The following SLIT2 variants were observed in gnomAD, a reference collection of about 807,000 sequenced individuals.
SLIT2 encodes the protein slit homolog 2 protein.
In SLIT2, 41 loss-of-function variants were observed where a neutral mutation model predicts 185.7. The observed-to-expected ratio is 0.22, with a 90% CI of 0.17 to 0.29. SLIT2 has a LOEUF of 0.29. Among genes scored for constraint, SLIT2 ranks in the 10% least tolerant of loss-of-function variants. The pLI is 1.00. For missense variants in SLIT2, 1,571 were observed against 1,909.0 expected (o/e 0.82, Z 3.30); for synonymous variants, 693 against 680.2 (o/e 1.02, Z -0.29).
intron 11 of SLIT2, among the ~76,000 whole-genome samples, chr4:20,513,723 G>A (rs948801432): frequency 1.3e-5 from 2 of 151,628 alleles, no homozygotes; most frequent in Admixed American, 6.6e-5. Context: ...CAAGGGATAA[G>A]GATAGCTGTG....
intron 4 of SLIT2, among the ~76,000 whole-genome samples, chr4:20,391,625 G>T (rs775626589): frequency 3.3e-5 from 5 of 152,066 alleles, no homozygotes; most frequent in Non-Finnish European, 7.4e-5. Context: ...GTTTTAGCAC[G>T]ATTTCTGATT....
chr4:20,547,044 C>T (rs1283966654), intron 22 of SLIT2, among the ~76,000 whole-genome samples: 1 of 151,990 alleles, frequency 6.6e-6, no homozygotes. Context: ...ATATTACATG[C>T]CCCAATGTAA....
intron 26 of SLIT2, among the ~76,000 whole-genome samples, chr4:20,554,747 G>C (rs1724093594): frequency 6.6e-6 from 1 of 150,822 alleles, no homozygotes; most frequent in Non-Finnish European, 1.5e-5. Flanking sequence ...TGGGGTTTTG[G>C]GGGGGCTTTT....
intron 4 of SLIT2, among the ~76,000 whole-genome samples, chr4:20,350,102 G>A (rs1256110386): frequency 6.6e-6 from 1 of 152,120 alleles, no homozygotes; most frequent in African/African-American, 2.4e-5. Context: ...CTAAGAGGTA[G>A]GCATCATGTA....
chr4:20,257,166 G>A (rs1394484934), intron 2 of SLIT2, among the ~76,000 whole-genome samples: 1 of 151,984 alleles, frequency 6.6e-6, no homozygotes, highest in Non-Finnish European at 1.5e-5. Context: ...CTAATATCAA[G>A]CATTAAAATC....
chr4:20,536,579 ACAAAAAC>A (rs1358799189), intron 18 of SLIT2, among the ~76,000 whole-genome samples: 11 of 139,698 alleles, frequency 7.9e-5, no homozygotes, highest in African/African-American at 2.9e-4. Flanking sequence ...AAAAAAAAAA[ACAAAAAC>A]CACTGTACAA....
At chr4:20,587,541 C>G (rs1727161304) in intron 29 of SLIT2, among the ~76,000 whole-genome samples, 1 of 152,176 alleles carries the variant, frequency 6.6e-6, no homozygotes, top group Non-Finnish European at 1.5e-5. Flanking sequence ...ATCTGGTTAG[C>G]TAACAGTTTC....
chr4:20,491,787 T>C lies in SLIT2; in HGVS notation c.802T>C (p.Cys268Arg), dbSNP rs1398870419. ...TCACCAGTCATTTATGGCTCCTTCTTGTAGTGTTTTGCACTGCCCTGCCGC... is the reference window on the plus strand; with the variant it reads ...TCACCAGTCATTTATGGCTCCTTCTCGTAGTGTTTTGCACTGCCCTGCCGC... ...SGHQSFMAPS[C>R]SVLHCPAACT... The change falls in exon 9 of 37, where the codon TGT becomes CGT. Residue 268 changes from cysteine (C) to arginine (R), a missense_variant. Cys to Arg is a radical substitution (Grantham distance 180, BLOSUM62 -3). Around this residue, in one of 3 missense-constraint regions of SLIT2, gnomAD observed 1,202 missense variants for 1,416.4 expected, o/e 0.85. Transcript: ENST00000504154. 1 of 1,613,522 alleles carries C rather than the reference T, an allele frequency of 6.2e-7. No homozygotes were observed. Among genetic ancestry groups the C allele is most frequent in the Non-Finnish European group, 8.5e-7 (1 of 1,179,628 alleles).
intron 4 of SLIT2, among the ~76,000 whole-genome samples, chr4:20,307,148 C>CTCCT (rs1717634295): frequency 5.6e-5 from 1 of 17,740 alleles, no homozygotes; most frequent in Non-Finnish European, 1.1e-4. Flanking sequence ...CCCTCCCTCC[C>CTCCT]TCCCTCCCTC....
At position 20,601,618 on chromosome 4, in the gene SLIT2, C is replaced by CT. The variant is rs202163743; in HGVS notation, c.3692+3229dup. On this transcript the variant is annotated intron_variant, in intron 33 of 36. Coordinates refer to ENST00000504154, the MANE Select transcript of SLIT2 (RefSeq NM_004787.4). ...GCTCTGATACGGCTAATTTTTTGGC[C>CT]TTTTTTCAAATGCCAGAAAATGCCA... Among the ~76,000 whole-genome samples the CT allele has an allele frequency of 6.5e-3, 984 of 152,088 alleles. 16 individuals carry two copies. The highest frequency in any genetic ancestry group is 0.023 in the African/African-American group (938 of 41,492).
intron 12 of SLIT2, 54 bp downstream of exon 12, chr4:20,519,507 TTTG>T: frequency 9.5e-7 from 1 of 1,057,014 alleles, no homozygotes; most frequent in Non-Finnish European, 1.4e-6. Context: ...TATTAGCCAT[TTTG>T]TTGTCTCATA....
intron 4 of SLIT2, among the ~76,000 whole-genome samples, chr4:20,278,996 T>C (rs1047278314): frequency 6.6e-6 from 1 of 152,184 alleles, no homozygotes; most frequent in African/African-American, 2.4e-5. Context: ...AAGTCAGTGT[T>C]AAAATTTCAT....
chr4:20,573,180 T>C, intron 29 of SLIT2: 1 of 702,892 alleles, frequency 1.4e-6, no homozygotes, highest in Non-Finnish European at 2.6e-6. Context: ...TGTGCTCTGC[T>C]GTTGTATTGC....
At chr4:20,260,548 C>T (rs1377370699) in intron 3 of SLIT2, among the ~76,000 whole-genome samples, 1 of 151,574 alleles carries the variant, frequency 6.6e-6, no homozygotes, top group Admixed American at 6.6e-5. Context: ...TTCTAAATTA[C>T]ATTTTGTGAA....
intron 4 of SLIT2, among the ~76,000 whole-genome samples, chr4:20,447,539 AG>A (rs1472682094): frequency 6.6e-6 from 1 of 152,210 alleles, no homozygotes; most frequent in Non-Finnish European, 1.5e-5. Flanking sequence ...AAGGAGAAAA[AG>A]ATGAAGTTAA....
chr4:20,509,430 G>A (rs983305217), intron 9 of SLIT2, among the ~76,000 whole-genome samples: 2 of 151,958 alleles, frequency 1.3e-5, no homozygotes, highest in African/African-American at 2.4e-5. Flanking sequence ...GGAAGGAGAT[G>A]AGACCACTGC....
chr4:20,426,732 T>C (rs1728586123), intron 4 of SLIT2, among the ~76,000 whole-genome samples: 1 of 152,122 alleles, frequency 6.6e-6, no homozygotes, highest in African/African-American at 2.4e-5. Context: ...AAGCTACAGA[T>C]GCATAATAAA....
chr4:20,610,461 T>C (rs1490736336), intron 34 of SLIT2, among the ~76,000 whole-genome samples: 1 of 152,206 alleles, frequency 6.6e-6, no homozygotes, highest in East Asian at 1.9e-4. Context: ...ATTATATAAT[T>C]TAATCTTATA....
At chr4:20,429,766 A>G (rs1305105549) in intron 4 of SLIT2, among the ~76,000 whole-genome samples, 2 of 152,198 alleles carry the variant, frequency 1.3e-5, no homozygotes, top group African/African-American at 4.8e-5. Context: ...TCCCTGTGCC[A>G]TAAATTTATA....
Sources: allele counts gnomAD v4.1 joint callset (sites outside exome capture counted in the v4.1 genomes callset), GRCh38; gene constraint gnomAD v4.1.1; regional missense constraint gnomAD v4.1.1; transcripts MANE v1.5; gene names NCBI Gene and HGNC (gene_info 2026-07-23, HGNC 2026-07-21).